Variants in CPM observed in about 807,000 individuals in gnomAD.
The protein encoded by CPM is renal carboxypeptidase.
A neutral mutation model predicts 46.4 loss-of-function variants in CPM; 35 were observed. The ratio of observed to expected loss-of-function variants is 0.75; its 90% CI spans 0.58 to 1.00. The LOEUF is 1.00. CPM is among the 50% of genes least tolerant of loss of function. CPM has a pLI of 0.00. For missense variants in CPM, 422 were observed against 530.4 expected (o/e 0.80, Z 2.01); for synonymous variants, 195 against 195.3 (o/e 1.00, Z 0.01).
At chr12:68,928,121 T>C (rs1215002575) in intron 2 of CPM, among the ~76,000 whole-genome samples, 2 of 152,280 alleles carry the variant, frequency 1.3e-5, no homozygotes, top group East Asian at 3.9e-4. Context: ...CTTCAAACTA[T>C]ACTACGAGGC....
chr12:68,850,629 T>C (rs370883522), downstream of CPM: 40 of 152,368 alleles, frequency 2.6e-4, no homozygotes, highest in East Asian at 7.5e-3. Flanking sequence ...TGTTTACCAC[T>C]GTTCTCTGTA....
intron 2 of CPM, among the ~76,000 whole-genome samples, chr12:68,897,847 A>C (rs1886947425): frequency 6.7e-6 from 1 of 149,470 alleles, no homozygotes; most frequent in African/African-American, 2.5e-5. Context: ...TTCAGTGTTG[A>C]GGTTTTGTTT....
At chr12:68,927,286 G>T (rs1175193507) in intron 2 of CPM, among the ~76,000 whole-genome samples, 1 of 151,128 alleles carries the variant, frequency 6.6e-6, no homozygotes, top group Non-Finnish European at 1.5e-5. Flanking sequence ...TCTCATTGTG[G>T]TTTTGATTTG....
intron 1 of CPM, 32 bp from the exon 2 acceptor site, chr12:68,932,872 G>A (rs1888570793): frequency 6.2e-7 from 1 of 1,606,420 alleles, no homozygotes; most frequent in Admixed American, 1.7e-5. Flanking sequence ...AAGAACCTGA[G>A]AACACATGAG....
At chr12:68,904,468 T>A (rs567676239) in intron 2 of CPM, among the ~76,000 whole-genome samples, 19 of 152,338 alleles carry the variant, frequency 1.2e-4, no homozygotes, top group Admixed American at 1.2e-3. Context: ...TGAAGTTACT[T>A]CATTTTACCA....
chr12:68,879,185 C>T (rs557458474), intron 3 of CPM, among the ~76,000 whole-genome samples: 12 of 152,278 alleles, frequency 7.9e-5, no homozygotes, highest in African/African-American at 2.9e-4. Context: ...GAGATCCCAA[C>T]TCTAAAATAA....
chr12:68,906,027 C>T (rs1490837022), intron 2 of CPM, among the ~76,000 whole-genome samples: 5 of 152,172 alleles, frequency 3.3e-5, no homozygotes, highest in Non-Finnish European at 4.4e-5. Flanking sequence ...ACTCAAGCAT[C>T]GGTCATCGTG....
chr12:68,907,802 A>G (rs1393686828), intron 2 of CPM, among the ~76,000 whole-genome samples: 2 of 150,090 alleles, frequency 1.3e-5, no homozygotes, highest in Non-Finnish European at 3.0e-5. Flanking sequence ...TTCATCATTA[A>G]TCCAGGGCTG....
intron 3 of CPM, among the ~76,000 whole-genome samples, 179 bp from the exon 4 acceptor site, chr12:68,872,135 G>A (rs1450336435): frequency 2.6e-5 from 4 of 152,130 alleles, no homozygotes; most frequent in African/African-American, 7.2e-5. Context: ...ATCAGGTGGC[G>A]ATCAGTCCTG....
intron 2 of CPM, among the ~76,000 whole-genome samples, chr12:68,894,652 A>T (rs568430489): frequency 1.3e-5 from 2 of 152,234 alleles, no homozygotes; most frequent in East Asian, 3.9e-4. Context: ...GCTCTGACTC[A>T]CCTGGGTTTT....
intron 2 of CPM, among the ~76,000 whole-genome samples, chr12:68,931,114 GCA>G (rs1160472007): frequency 6.6e-6 from 1 of 152,050 alleles, no homozygotes; most frequent in African/African-American, 2.4e-5. Flanking sequence ...AGTAATTCTG[GCA>G]CCATCTCTTT....
At position 68,931,951 on chromosome 12, in the gene CPM, CTT is replaced by C. The variant is rs572884878; in HGVS notation, c.160+725_160+726del. Among the ~76,000 whole-genome samples, 265 of 152,096 alleles carry C rather than the reference CTT, an allele frequency of 1.7e-3. 2 individuals carry two copies. The highest frequency in any genetic ancestry group is 5.9e-3 in the African/African-American group (246 of 41,488). ...GAAAATAACTTTATGTAGTTTCTAA[CTT>C]AGAACAATAAATTATTAATGATAAA... On this transcript the variant is annotated intron_variant, in intron 2 of 8. Transcript: ENST00000551568.
intron 4 of CPM, 63 bp from the exon 5 acceptor site, chr12:68,870,462 G>GTCTT: frequency 6.9e-7 from 1 of 1,447,900 alleles, no homozygotes; most frequent in South Asian, 1.2e-5. Context: ...TTCTTACAGT[G>GTCTT]TCTTGCCCTT....
intron 3 of CPM, among the ~76,000 whole-genome samples, chr12:68,883,218 T>C (rs1248122974): frequency 1.3e-5 from 2 of 152,228 alleles, no homozygotes; most frequent in Non-Finnish European, 2.9e-5. Context: ...CAAAAAAGGT[T>C]AAGAATCACT....
intron 5 of CPM, chr12:68,842,923 G>A (rs946807109): frequency 1.4e-5 from 3 of 209,154 alleles, no homozygotes; most frequent in African/African-American, 4.6e-5. Flanking sequence ...GATAGTTGGG[G>A]ATGAGAGCCG....
intron 1 of CPM, among the ~76,000 whole-genome samples, chr12:68,956,767 C>T (rs538393761): frequency 1.3e-5 from 2 of 152,162 alleles, no homozygotes; most frequent in East Asian, 1.9e-4. Context: ...TCACATGTTA[C>T]GTTGTAAAAG....
intron 2 of CPM, among the ~76,000 whole-genome samples, chr12:68,897,685 G>A (rs1394794765): frequency 1.3e-5 from 2 of 149,788 alleles, no homozygotes; most frequent in African/African-American, 4.9e-5. Context: ...TGCAGTGAGT[G>A]GAGATCGTGC....
rs529913634 is a variant in CPM, at chr12:68,957,055, A to G, written c.-4+6114T>C. On this transcript the variant is annotated intron_variant, in intron 1 of 8. Coordinates refer to the CPM transcript ENST00000546373. Reference sequence around the variant, plus strand: ...GCTGCCCTGACGCCATCACCAGACAATCAGCAGACCACCCCGAGGAAGGGT... The same window carrying G: ...GCTGCCCTGACGCCATCACCAGACAGTCAGCAGACCACCCCGAGGAAGGGT... Among the ~76,000 whole-genome samples, 47 of 152,306 alleles carry G rather than the reference A, an allele frequency of 3.1e-4. 1 individual carries two copies. The highest frequency in any genetic ancestry group is 6.5e-4 in the Admixed American group (10 of 15,308).
intron 2 of CPM, among the ~76,000 whole-genome samples, chr12:68,923,465 T>A (rs1159670305): frequency 6.6e-6 from 1 of 152,074 alleles, no homozygotes; most frequent in Non-Finnish European, 1.5e-5. Context: ...TTCAAGTGGG[T>A]CCTTAACAGC....
Sources: allele counts gnomAD v4.1 joint callset (sites outside exome capture counted in the v4.1 genomes callset), GRCh38; gene constraint gnomAD v4.1.1; transcripts MANE v1.5; gene names NCBI Gene and HGNC (gene_info 2026-07-23, HGNC 2026-07-21).